TAS2R1: variants seen among roughly 807,000 people sequenced by gnomAD.
The protein encoded by TAS2R1 is taste 2 receptor member 1, also known as taste receptor type 2 member 1.
For synonymous variants in TAS2R1, 141 were observed against 134.2 expected, an observed-to-expected ratio of 1.05 and a Z score of -0.35; for missense variants, 370 against 353.4, an observed-to-expected ratio of 1.05 and a Z score of -0.38.
At chr5:9,753,208 C>T in the TAS2R1 span, among the ~76,000 whole-genome samples, 5 of 152,190 alleles carry the variant, frequency 3.3e-5, no homozygotes, top group South Asian at 2.1e-4. Context: ...TCTCCAGCAC[C>T]GGTTGTTTCC....
At chr5:9,729,584 A>T in the TAS2R1 span, among the ~76,000 whole-genome samples, 40,346 of 151,518 alleles carry the variant, frequency 0.27, 6,964 homozygotes, top group African/African-American at 0.5. Context: ...CCTTTTTTTT[A>T]AATATACTTT....
At chr5:9,701,519 AATGAC>A (rs750967051) in intron 1 of TAS2R1, among the ~76,000 whole-genome samples, 1 of 152,184 alleles carries the variant, frequency 6.6e-6, no homozygotes. Context: ...AACCTGGTAC[AATGAC>A]AAAGGAAAAA....
chr5:9,680,497 T>A (rs1290036459), intron 1 of TAS2R1, among the ~76,000 whole-genome samples: 1 of 152,126 alleles, frequency 6.6e-6, no homozygotes, highest in Non-Finnish European at 1.5e-5. Flanking sequence ...AAGTTCAACA[T>A]CAACAGCCAC....
the TAS2R1 span, among the ~76,000 whole-genome samples, chr5:9,788,375 C>T: frequency 4.2e-4 from 64 of 152,254 alleles, 1 homozygote; most frequent in Admixed American, 2.9e-3. Context: ...TGGGGCTGCA[C>T]GGATGGTCTC....
chr5:9,846,519 A>C, the TAS2R1 span, among the ~76,000 whole-genome samples: 6 of 152,208 alleles, frequency 3.9e-5, no homozygotes, highest in Non-Finnish European at 7.3e-5. Flanking sequence ...CAGAACAGAG[A>C]CCATTTGAAA....
chr5:9,831,609 G>A, the TAS2R1 span, among the ~76,000 whole-genome samples: 2,295 of 144,110 alleles, frequency 0.016, 39 homozygotes, highest in African/African-American at 0.05. Context: ...TTTCTTTAAC[G>A]AGCATGTTTC....
At chr5:9,714,638 G>A (rs956289703), upstream of TAS2R1, among the ~76,000 whole-genome samples, 12 of 152,208 alleles carry the variant, frequency 7.9e-5, no homozygotes, top group Non-Finnish European at 1.8e-4. Flanking sequence ...GCACATAAGA[G>A]ATGACAAAAA....
the TAS2R1 span, among the ~76,000 whole-genome samples, chr5:9,827,556 G>A: frequency 7.0e-6 from 1 of 143,074 alleles, no homozygotes; most frequent in Non-Finnish European, 1.5e-5. Context: ...GCAACATAGT[G>A]AGATTCCATC....
chr5:9,643,565 A>G (rs1213495149), intron 2 of TAS2R1, among the ~76,000 whole-genome samples: 1 of 152,166 alleles, frequency 6.6e-6, no homozygotes, highest in Non-Finnish European at 1.5e-5. Flanking sequence ...TAAACATTAT[A>G]CACTTAGGCT....
chr5:9,826,617 C>T, the TAS2R1 span, among the ~76,000 whole-genome samples: 1 of 152,150 alleles, frequency 6.6e-6, no homozygotes, highest in African/African-American at 2.4e-5. Context: ...TAACCTATAT[C>T]GTTTTAAAGG....
At chr5:9,744,469 T>C in the TAS2R1 span, among the ~76,000 whole-genome samples, 7 of 152,148 alleles carry the variant, frequency 4.6e-5, no homozygotes, top group Admixed American at 6.5e-5. Flanking sequence ...ATCAAAAGCA[T>C]CCATACAGCA....
At chr5:9,773,205 T>A in the TAS2R1 span, among the ~76,000 whole-genome samples, 1 of 152,088 alleles carries the variant, frequency 6.6e-6, no homozygotes, top group African/African-American at 2.4e-5. Context: ...GAGGTTACCA[T>A]GAGGCTTGCA....
the TAS2R1 span, among the ~76,000 whole-genome samples, chr5:9,891,434 A>G: frequency 6.6e-6 from 1 of 152,228 alleles, no homozygotes; most frequent in Non-Finnish European, 1.5e-5. Flanking sequence ...TTTAATTCCT[A>G]ACATGGTAAG....
chr5:9,656,710 G>A (rs1288243850), intron 2 of TAS2R1, among the ~76,000 whole-genome samples: 1 of 152,034 alleles, frequency 6.6e-6, no homozygotes, highest in East Asian at 1.9e-4. Flanking sequence ...CCAAATATCC[G>A]GGCACCCTGT....
At chr5:9,638,737 C>T (rs1170118682) in intron 2 of TAS2R1, among the ~76,000 whole-genome samples, 2 of 152,160 alleles carry the variant, frequency 1.3e-5, no homozygotes, top group African/African-American at 2.4e-5. Context: ...GAAATACCAT[C>T]AGGTGGAGTC....
chr5:9,738,732 T>C, the TAS2R1 span, among the ~76,000 whole-genome samples: 1 of 152,308 alleles, frequency 6.6e-6, no homozygotes, highest in East Asian at 1.9e-4. Flanking sequence ...CAATGTTTAA[T>C]GTCTTGACCT....
chr5:9,662,700 C>T (rs893166852), intron 1 of TAS2R1, among the ~76,000 whole-genome samples: 3 of 152,212 alleles, frequency 2.0e-5, no homozygotes, highest in African/African-American at 7.2e-5. Flanking sequence ...ACATTTGGAA[C>T]TACCCAAAAC....
intron 1 of TAS2R1, among the ~76,000 whole-genome samples, chr5:9,708,127 C>A (rs1395019132): frequency 6.6e-6 from 1 of 152,050 alleles, no homozygotes; most frequent in Non-Finnish European, 1.5e-5. Context: ...ACTTCAAAGT[C>A]CAAAGAGGAA....
chr5:9,696,842 T>C (rs111458150), intron 1 of TAS2R1, among the ~76,000 whole-genome samples: 33,181 of 151,646 alleles, frequency 0.22, 3,842 homozygotes, highest in South Asian at 0.36. Flanking sequence ...GGAGAAACCC[T>C]GTCTCTACTA....
Sources: allele counts gnomAD v4.1 joint callset (sites outside exome capture counted in the v4.1 genomes callset), GRCh38; gene constraint gnomAD v4.1.1; transcripts MANE v1.5; gene names NCBI Gene and HGNC (gene_info 2026-07-23, HGNC 2026-07-21).